The following MTUS2 variants were observed in gnomAD, a reference collection of about 807,000 sequenced individuals.
The protein encoded by MTUS2 is microtubule-associated tumor suppressor candidate 2.
MTUS2 carries 40 observed loss-of-function variants against 114.1 expected under a neutral mutation model. The ratio of observed to expected loss-of-function variants is 0.35; its 90% confidence interval spans 0.27 to 0.46. MTUS2 has a LOEUF of 0.46. Among genes scored for constraint, MTUS2 ranks in the 20% least tolerant of loss-of-function variants. The pLI is 1.00. For missense variants in MTUS2, 1,679 were observed against 1,705.4 expected, an observed-to-expected ratio of 0.98 and a Z score of 0.27; for synonymous variants, 688 against 672.0, an observed-to-expected ratio of 1.02 and a Z score of -0.37.
At chr13:29,185,296 A>G (rs1450700513) in intron 5 of MTUS2, among the ~76,000 whole-genome samples, 1 of 152,186 alleles carries the variant, frequency 6.6e-6, no homozygotes, top group Non-Finnish European at 1.5e-5. Flanking sequence ...GACACCATCA[A>G]GCATACCAAC....
At chr13:29,091,265 C>G (rs916587075) in intron 4 of MTUS2, among the ~76,000 whole-genome samples, 1 of 152,104 alleles carries the variant, frequency 6.6e-6, no homozygotes, top group Non-Finnish European at 1.5e-5. Context: ...ATTACCCACA[C>G]TCAGGTATTT....
intron 6 of MTUS2, among the ~76,000 whole-genome samples, chr13:29,309,565 C>T (rs1899653444): frequency 6.6e-6 from 1 of 152,052 alleles, no homozygotes; most frequent in South Asian, 2.1e-4. Flanking sequence ...GCACATCCTG[C>T]ACATGTACTC....
chr13:29,356,036 C>T (rs1387951464), intron 7 of MTUS2, among the ~76,000 whole-genome samples: 1 of 152,106 alleles, frequency 6.6e-6, no homozygotes, highest in African/African-American at 2.4e-5. Context: ...TGGCTGCCTG[C>T]ATGGTGAGGT....
intron 12 of MTUS2, among the ~76,000 whole-genome samples, chr13:29,493,270 G>A (rs914648613): frequency 5.3e-4 from 81 of 152,296 alleles, no homozygotes; most frequent in African/African-American, 1.8e-3. Context: ...CCTCTAAGGA[G>A]AGAATGCAGG....
chr13:28,831,287 AT>A (rs1174829221), intron 1 of MTUS2, among the ~76,000 whole-genome samples: 7 of 152,194 alleles, frequency 4.6e-5, no homozygotes, highest in African/African-American at 1.7e-4. Flanking sequence ...AAATCCTGCC[AT>A]TTTTAGTTTT....
chr13:29,126,295 G>T (rs1168855725), intron 5 of MTUS2, among the ~76,000 whole-genome samples: 1 of 152,078 alleles, frequency 6.6e-6, no homozygotes, highest in Non-Finnish European at 1.5e-5. Flanking sequence ...GTCACATCCT[G>T]TGCCTTGTCA....
At chr13:29,306,840 T>A in intron 6 of MTUS2, 1 of 467,590 alleles carries the variant, frequency 2.1e-6, no homozygotes. Context: ...TCACCAGGGC[T>A]GCTTTTAACT....
chr13:29,276,034 G>T (rs1272159819), intron 5 of MTUS2, among the ~76,000 whole-genome samples: 1 of 152,130 alleles, frequency 6.6e-6, no homozygotes, highest in African/African-American at 2.4e-5. Context: ...TTAGGTCTAA[G>T]ATCTATTTTA....
chr13:29,437,732 G>A (rs7983102), intron 8 of MTUS2, among the ~76,000 whole-genome samples: 15,480 of 151,966 alleles, frequency 0.1, 1,491 homozygotes, highest in African/African-American at 0.25. Flanking sequence ...AGATTGCTTA[G>A]GCCCAGGAAT....
chr13:29,162,440 G>A lies in MTUS2; in HGVS notation c.2644+61470G>A, dbSNP rs527507186. Reference sequence around the variant, plus strand: ...TCCCAAGTTCCTGATGCTTTGTCTAGCAAAGAGCAGAATCTCACTAAATTA... The same window carrying A: ...TCCCAAGTTCCTGATGCTTTGTCTAACAAAGAGCAGAATCTCACTAAATTA... On this transcript the variant is annotated intron_variant, in intron 5 of 15. Coordinates refer to ENST00000612955, the MANE Select transcript of MTUS2 (RefSeq NM_001033602.4). 5.3e-5 allele frequency among the ~76,000 whole-genome samples: 8 copies of A among 152,216 alleles called. No individual in the cohort carries two copies. The South Asian group carries it at 1.7e-3, about 32-fold the overall frequency.
chr13:29,032,211 G>C (rs1320669515), intron 3 of MTUS2, among the ~76,000 whole-genome samples: 2 of 152,050 alleles, frequency 1.3e-5, no homozygotes, highest in South Asian at 2.1e-4. Flanking sequence ...AAGAATTTGC[G>C]ATCTCACCAG....
At chr13:28,908,623 G>A (rs981701512) in intron 2 of MTUS2, among the ~76,000 whole-genome samples, 1 of 151,440 alleles carries the variant, frequency 6.6e-6, no homozygotes, top group African/African-American at 2.4e-5. Flanking sequence ...TGTCTTTATA[G>A]CAGTGTGATT....
intron 5 of MTUS2, among the ~76,000 whole-genome samples, chr13:29,121,554 A>G (rs1891309271): frequency 6.6e-6 from 1 of 152,176 alleles, no homozygotes; most frequent in South Asian, 2.1e-4. Context: ...AGTTCCATGC[A>G]AAGCCTTTTC....
intron 4 of MTUS2, among the ~76,000 whole-genome samples, chr13:29,053,050 T>G (rs927536064): frequency 6.6e-5 from 10 of 152,232 alleles, no homozygotes; most frequent in African/African-American, 2.2e-4. Flanking sequence ...GAACTGTGAG[T>G]CAATTAAACA....
At chr13:29,056,846 C>T (rs922670981) in intron 4 of MTUS2, among the ~76,000 whole-genome samples, 1 of 152,016 alleles carries the variant, frequency 6.6e-6, no homozygotes, top group African/African-American at 2.4e-5. Flanking sequence ...TTCTTGTCTT[C>T]TGCTAGCTTT....
chr13:29,463,870 G>A (rs774430925), intron 9 of MTUS2, among the ~76,000 whole-genome samples: 1 of 152,146 alleles, frequency 6.6e-6, no homozygotes, highest in Non-Finnish European at 1.5e-5. Flanking sequence ...GTGGTGGCAC[G>A]TACCTGTAAT....
intron 5 of MTUS2, among the ~76,000 whole-genome samples, chr13:29,270,735 C>T (rs576207069): frequency 1.3e-5 from 2 of 152,322 alleles, no homozygotes; most frequent in South Asian, 2.1e-4. Flanking sequence ...CATCACAAGG[C>T]CCTTTCTGTC....
chr13:29,226,914 A>G (rs1426075336), intron 5 of MTUS2, among the ~76,000 whole-genome samples: 1 of 152,138 alleles, frequency 6.6e-6, no homozygotes, highest in Non-Finnish European at 1.5e-5. Flanking sequence ...TCAGAATGAT[A>G]GCAGGGTTCT....
chr13:29,194,908 T>C (rs1593585459), intron 5 of MTUS2, among the ~76,000 whole-genome samples: 1 of 148,922 alleles, frequency 6.7e-6, no homozygotes, highest in African/African-American at 2.5e-5. Context: ...TGGAATACTA[T>C]GCAGCCATAA....
Sources: gnomAD v4.1 joint callset for allele counts (sites outside exome capture counted in the v4.1 genomes callset) on GRCh38, gnomAD v4.1.1 for gene constraint, MANE v1.5 for transcripts, NCBI Gene and HGNC (gene_info 2026-07-23, HGNC 2026-07-21) for gene names.